The following LPA variants were observed in gnomAD, a reference collection of about 807,000 sequenced individuals.
LPA encodes apolipoprotein(a).
In LPA, 199 loss-of-function variants were observed where a neutral mutation model predicts 197.9. That is an observed-to-expected ratio of 1.01 (90% CI 0.90 to 1.13). The LOEUF (loss-of-function observed/expected upper bound fraction) is 1.13. Ranked by LOEUF, LPA falls within the 50% of genes most tolerant of loss-of-function variation. The probability of loss-of-function intolerance (pLI) is 0.00; values close to 1 mark genes in which losing one functional copy is unlikely to be tolerated. For synonymous variants in LPA, 715 were observed against 639.5 expected (o/e 1.12, Z -1.78); for missense variants, 1,853 against 1,785.8 (o/e 1.04, Z -0.68).
At chr6:160,586,181 T>A in intron 25 of LPA, among the ~76,000 whole-genome samples, 1 of 152,134 alleles carries the variant, frequency 6.6e-6, no homozygotes, top group East Asian at 1.9e-4. Flanking sequence ...GCTAGGACAC[T>A]AATATGATTC....
At chr6:160,655,347 C>T (rs1780114419) in intron 1 of LPA, among the ~76,000 whole-genome samples, 1 of 152,210 alleles carries the variant, frequency 6.6e-6, no homozygotes, top group East Asian at 1.9e-4. Context: ...AAACAGCATC[C>T]CTATCTGCCA....
At chr6:160,604,991 T>A in intron 18 of LPA, 55 bp downstream of exon 18, 1 of 1,609,074 alleles carries the variant, frequency 6.2e-7, no homozygotes, top group East Asian at 2.2e-5. Flanking sequence ...ATGACTCTAC[T>A]AACAGAAATT....
intron 20 of LPA, among the ~76,000 whole-genome samples, chr6:160,597,289 A>C (rs562943977): frequency 6.6e-6 from 1 of 152,272 alleles, no homozygotes; most frequent in Non-Finnish European, 1.5e-5. Flanking sequence ...TCTCTAACTC[A>C]GAGTGTGGGC....
At chr6:160,600,737 T>G (rs1779221799) in intron 19 of LPA, among the ~76,000 whole-genome samples, 180 bp downstream of exon 19, 1 of 152,104 alleles carries the variant, frequency 6.6e-6, no homozygotes, top group South Asian at 2.1e-4. Flanking sequence ...TCGCACAGGT[T>G]GCACCAAAAA....
chr6:160,602,544 T>G (rs1562340034), intron 18 of LPA, among the ~76,000 whole-genome samples: 1 of 152,216 alleles, frequency 6.6e-6, no homozygotes, highest in Non-Finnish European at 1.5e-5. Flanking sequence ...AAGAAAATAT[T>G]TTGCATTTAC....
intron 1 of LPA, among the ~76,000 whole-genome samples, chr6:160,654,035 TTA>T (rs1780073993): frequency 9.6e-5 from 1 of 10,370 alleles, no homozygotes; most frequent in African/African-American, 7.2e-4. Flanking sequence ...ATAATATATA[TTA>T]TATATAATAT....
At chr6:160,596,801 T>C (rs1779142084) in intron 20 of LPA, among the ~76,000 whole-genome samples, 1 of 152,210 alleles carries the variant, frequency 6.6e-6, no homozygotes. Flanking sequence ...TACATGCTTC[T>C]GTTTTTCCCT....
intron 18 of LPA, among the ~76,000 whole-genome samples, chr6:160,604,115 C>T (rs1779297887): frequency 6.6e-6 from 1 of 152,174 alleles, no homozygotes; most frequent in South Asian, 2.1e-4. Flanking sequence ...ACTATGCGTG[C>T]CCCTGGAGCT....
At chr6:160,589,135 A>T (rs1367733691) in intron 24 of LPA, among the ~76,000 whole-genome samples, 2 of 152,224 alleles carry the variant, frequency 1.3e-5, no homozygotes, top group African/African-American at 4.8e-5. Flanking sequence ...TCTCGAAGTC[A>T]ATATAGATAT....
At chr6:160,588,089 A>G (rs6922216) in intron 24 of LPA, among the ~76,000 whole-genome samples, 9,200 of 149,436 alleles carry the variant, frequency 0.062, 960 homozygotes, top group African/African-American at 0.21. Context: ...AATGTCATCA[A>G]TTCTATAATT....
rs1779311626 is a variant in LPA, at chr6:160,604,776, T to A, written c.2945+270A>T. On this transcript the variant is annotated intron_variant, in intron 18 of 38. Coordinates refer to ENST00000316300, the MANE Select transcript of LPA (RefSeq NM_005577.4). Reference sequence around the variant, plus strand: ...GTGTTGTGGAAGGGTACTCTAAGAGTTTCATCATTTGTCATCTTGACTTGT... The same window carrying A: ...GTGTTGTGGAAGGGTACTCTAAGAGATTCATCATTTGTCATCTTGACTTGT... Among the ~76,000 whole-genome samples, 3 of 151,840 alleles carry A rather than the reference T, an allele frequency of 2.0e-5. No homozygotes were observed. The South Asian group carries it at 6.2e-4, about 32-fold the overall frequency.
intron 24 of LPA, among the ~76,000 whole-genome samples, chr6:160,588,887 G>T (rs1272100876): frequency 6.6e-6 from 1 of 152,168 alleles, no homozygotes; most frequent in Non-Finnish European, 1.5e-5. Context: ...TGTCCAACCT[G>T]TGAAAACTGT....
chr6:160,609,133 C>G (rs1477900958), intron 16 of LPA, among the ~76,000 whole-genome samples: 1 of 151,994 alleles, frequency 6.6e-6, no homozygotes. Flanking sequence ...GTCAAATTTT[C>G]ATGCAATTCT....
intron 22 of LPA, 34 bp downstream of exon 22, chr6:160,593,924 G>T: frequency 1.2e-6 from 2 of 1,611,348 alleles, no homozygotes; most frequent in Non-Finnish European, 8.5e-7. Flanking sequence ...TAAGGGGGCT[G>T]CTGTCTGTCT....
At chr6:160,550,497 G>C (rs1020911306) in intron 30 of LPA, among the ~76,000 whole-genome samples, 3 of 152,212 alleles carry the variant, frequency 2.0e-5, no homozygotes. Context: ...AGCAAGTATA[G>C]TATATGAGGG....
intron 1 of LPA, among the ~76,000 whole-genome samples, chr6:160,654,068 T>C (rs1212368319): frequency 1.9e-5 from 1 of 52,492 alleles, no homozygotes; most frequent in Non-Finnish European, 3.1e-5. Flanking sequence ...ATATATATTA[T>C]ATATAATATA....
At chr6:160,562,007 T>A (rs1236182347) in intron 28 of LPA, among the ~76,000 whole-genome samples, 1 of 152,222 alleles carries the variant, frequency 6.6e-6, no homozygotes, top group East Asian at 1.9e-4. Flanking sequence ...AATCATGTCA[T>A]CTGCAAAGAG....
intron 28 of LPA, among the ~76,000 whole-genome samples, chr6:160,566,635 AT>A (rs1264609396): frequency 5.3e-5 from 8 of 152,368 alleles, no homozygotes; most frequent in African/African-American, 1.9e-4. Flanking sequence ...AAATTCACAC[AT>A]AAAAATATTA....
At chr6:160,560,105 C>A (rs747663341) in intron 28 of LPA, among the ~76,000 whole-genome samples, 2 of 152,146 alleles carry the variant, frequency 1.3e-5, no homozygotes, top group Non-Finnish European at 2.9e-5. Flanking sequence ...CATGTCCCTG[C>A]AAAAGACATG....
Sources: gnomAD v4.1 joint callset for allele counts (sites outside exome capture counted in the v4.1 genomes callset) on GRCh38, gnomAD v4.1.1 for gene constraint, MANE v1.5 for transcripts, NCBI Gene and HGNC (gene_info 2026-07-23, HGNC 2026-07-21) for gene names.